Variants in ERC1 observed in about 807,000 individuals in gnomAD.
ERC1 encodes ELKS/RAB6-interacting/CAST family member 1.
A neutral mutation model predicts 132.0 loss-of-function variants in ERC1; 56 were observed. The observed-to-expected ratio is 0.42, with a 90% CI of 0.34 to 0.53. The LOEUF is 0.53. ERC1 is among the 20% of genes least tolerant of loss of function. The pLI is 0.03. For synonymous variants in ERC1, 478 were observed against 476.1 expected, an observed-to-expected ratio of 1.00 and a Z score of -0.05; for missense variants, 1,202 against 1,349.9, an observed-to-expected ratio of 0.89 and a Z score of 1.72.
Position 1,236,866 on chromosome 12 carries a change from C to T in ERC1, c.2449C>T (p.Arg817Trp), listed in dbSNP as rs370753733. The change falls in exon 13 of 19, where the codon CGG becomes TGG. Residue 817 changes from arginine (R) to tryptophan (W), a missense_variant. By Grantham distance (101) the Arg-to-Trp change is moderately radical (BLOSUM62 -3). Coordinates refer to ENST00000360905, the MANE Select transcript of ERC1 (RefSeq NM_178040.4). Reference protein sequence around the residue: ...SAQMLEEARRREDNLNDSSQQ... With the variant: ...SAQMLEEARRWEDNLNDSSQQ... The stretch of plus-strand genomic sequence containing the variant: ...ACAAATGTTAGAGGAGGCGCGACGA[C>T]GGGAGGACAATCTCAACGACAGCTC... 8 of 1,613,954 alleles carry T rather than the reference C, an allele frequency of 5.0e-6. No homozygotes were observed. Among genetic ancestry groups the T allele is most frequent in the African/African-American group, 2.7e-5 (2 of 74,922 alleles).
intron 18 of ERC1, among the ~76,000 whole-genome samples, chr12:1,478,465 A>G (rs1487148840): frequency 6.6e-6 from 1 of 152,134 alleles, no homozygotes; most frequent in East Asian, 1.9e-4. Flanking sequence ...TCTCCTGTGG[A>G]CTGCCCTTTC....
intron 12 of ERC1, among the ~76,000 whole-genome samples, chr12:1,218,838 A>ATAT (rs1449666262): frequency 1.8e-5 from 2 of 114,076 alleles, no homozygotes. Context: ...ATATATACAC[A>ATAT]CACACACACA....
At chr12:1,103,934 G>T (rs1479345811) in intron 3 of ERC1, among the ~76,000 whole-genome samples, 1 of 152,078 alleles carries the variant, frequency 6.6e-6, no homozygotes, top group African/African-American at 2.4e-5. Context: ...AGGGAGAGAG[G>T]CAGCAGAAAG....
chr12:1,290,060 CTTT>C (rs754312458), intron 15 of ERC1, 48 bp downstream of exon 15: 2 of 1,512,994 alleles, frequency 1.3e-6, no homozygotes, highest in Admixed American at 3.4e-5. Flanking sequence ...AGTGGAAATA[CTTT>C]TTCTCCCTGC....
At chr12:1,313,854 G>A (rs1368469306) in intron 15 of ERC1, among the ~76,000 whole-genome samples, 1 of 152,018 alleles carries the variant, frequency 6.6e-6, no homozygotes, top group Non-Finnish European at 1.5e-5. Context: ...CATGGTGGTA[G>A]GTGCCTATAA....
At chr12:1,018,857 G>A (rs1965911244) in intron 1 of ERC1, among the ~76,000 whole-genome samples, 1 of 152,176 alleles carries the variant, frequency 6.6e-6, no homozygotes, top group South Asian at 2.1e-4. Flanking sequence ...GGTTACCTCA[G>A]AGGAGCACCT....
intron 13 of ERC1, among the ~76,000 whole-genome samples, chr12:1,252,597 A>T (rs751285995): frequency 6.6e-6 from 1 of 152,186 alleles, no homozygotes; most frequent in East Asian, 1.9e-4. Context: ...TGTTTATTTA[A>T]TGAAATACAT....
intron 2 of ERC1, among the ~76,000 whole-genome samples, chr12:1,057,609 T>C (rs1416675160): frequency 1.2e-5 from 1 of 84,250 alleles, no homozygotes; most frequent in African/African-American, 3.6e-5. Context: ...TTTTTTTTTT[T>C]TCCTTGAGGT....
chr12:1,369,734 T>C (rs1412213956), intron 15 of ERC1, among the ~76,000 whole-genome samples: 2 of 152,224 alleles, frequency 1.3e-5, no homozygotes, highest in East Asian at 3.8e-4. Flanking sequence ...TCATTATCCC[T>C]TTAGTGTTGA....
chr12:1,358,645 A>G (rs1274478275), intron 15 of ERC1, among the ~76,000 whole-genome samples: 1 of 152,150 alleles, frequency 6.6e-6, no homozygotes, highest in Non-Finnish European at 1.5e-5. Context: ...CACCATTGTA[A>G]AGCAAATCTG....
chr12:1,409,185 T>G (rs2091697327), intron 17 of ERC1, among the ~76,000 whole-genome samples: 1 of 152,228 alleles, frequency 6.6e-6, no homozygotes, highest in African/African-American at 2.4e-5. Flanking sequence ...TATGATGACG[T>G]TTCCTAAGCC....
intron 18 of ERC1, among the ~76,000 whole-genome samples, chr12:1,482,945 C>T (rs2094121370): frequency 6.6e-6 from 1 of 152,146 alleles, no homozygotes; most frequent in South Asian, 2.1e-4. Context: ...ACCCCAGCCC[C>T]AAGCAGCTGC....
At chr12:1,162,660 G>A (rs548659801) in intron 8 of ERC1, among the ~76,000 whole-genome samples, 23 of 151,924 alleles carry the variant, frequency 1.5e-4, no homozygotes, top group Admixed American at 1.5e-3. Flanking sequence ...GGAGAGTAAG[G>A]TTGTTGTTTT....
intron 12 of ERC1, among the ~76,000 whole-genome samples, chr12:1,193,444 A>G (rs1214799897): frequency 6.6e-6 from 1 of 152,106 alleles, no homozygotes; most frequent in Non-Finnish European, 1.5e-5. Context: ...ACACACACAC[A>G]CACACACACA....
intron 15 of ERC1, among the ~76,000 whole-genome samples, chr12:1,345,682 T>C (rs2084383888): frequency 6.6e-6 from 1 of 152,226 alleles, no homozygotes; most frequent in Non-Finnish European, 1.5e-5. Flanking sequence ...ATATCAGCTT[T>C]ACCAAGGTTT....
chr12:1,494,634 TGGG>T lies in ERC1; in HGVS notation c.*4407_*4409del. Reference sequence around the variant, plus strand: ...TGTTGTAGGTACTTCTCCTGACTCTTGGGGGAGAAGTGGTTTTAGGGATTGATT... The same window carrying T: ...TGTTGTAGGTACTTCTCCTGACTCTTGGAGAAGTGGTTTTAGGGATTGATT... On this transcript the variant is annotated 3_prime_UTR_variant, in exon 19 of 19. Transcript: ENST00000360905. The T allele has an allele frequency of 4.3e-6, 1 of 230,894 alleles. No homozygotes were observed. Among genetic ancestry groups the T allele is most frequent in the South Asian group, 1.8e-4 (1 of 5,498 alleles). 14.3% of individuals were successfully genotyped at this position (230,894 alleles called of 1,614,324 possible).
chr12:1,015,227 G>T (rs868688498), intron 1 of ERC1, among the ~76,000 whole-genome samples: 1 of 151,686 alleles, frequency 6.6e-6, no homozygotes, highest in African/African-American at 2.4e-5. Context: ...GCCCAGGTAA[G>T]TTTTGTATTT....
intron 3 of ERC1, among the ~76,000 whole-genome samples, chr12:1,091,831 A>G (rs1035220905): frequency 6.6e-6 from 1 of 152,162 alleles, no homozygotes; most frequent in Non-Finnish European, 1.5e-5. Flanking sequence ...GCTGTAATCT[A>G]GATTAGGGGA....
chr12:1,294,740 G>GC (rs1459779145), intron 15 of ERC1, among the ~76,000 whole-genome samples: 2 of 152,148 alleles, frequency 1.3e-5, no homozygotes, highest in Non-Finnish European at 2.9e-5. Flanking sequence ...GCAATACCCA[G>GC]TTGAAGAAAA....
Sources: gnomAD v4.1 joint callset for allele counts (sites outside exome capture counted in the v4.1 genomes callset) on GRCh38, gnomAD v4.1.1 for gene constraint, MANE v1.5 for transcripts, NCBI Gene and HGNC (gene_info 2026-07-23, HGNC 2026-07-21) for gene names.